The following AAK1 variants were observed in gnomAD, a reference collection of about 807,000 sequenced individuals.
AAK1 encodes the protein AP2 associated kinase 1, also known as AP2-associated protein kinase 1.
In AAK1, 37 loss-of-function variants were observed where a neutral mutation model predicts 116.0. That is an observed-to-expected ratio of 0.32 (90% CI 0.25 to 0.42). The LOEUF is 0.42. Ranked by LOEUF, AAK1 falls within the 10% of genes least tolerant of loss-of-function variation. The probability of loss-of-function intolerance (pLI) is 1.00; values close to 1 mark genes in which losing one functional copy is unlikely to be tolerated. For synonymous variants in AAK1, 458 were observed against 439.9 expected, an observed-to-expected ratio of 1.04 and a Z score of -0.51; for missense variants, 919 against 1,170.6, an observed-to-expected ratio of 0.79 and a Z score of 3.14.
chr2:69,623,572 G>A (rs1384810757), intron 2 of AAK1, among the ~76,000 whole-genome samples: 1 of 152,152 alleles, frequency 6.6e-6, no homozygotes, highest in African/African-American at 2.4e-5. Flanking sequence ...TAAGCACTTT[G>A]GGAGGCCCAG....
chr2:69,465,982 TG>T lies in AAK1; in HGVS notation c.*9886del. Reference sequence around the variant, plus strand: ...AACTCCTCCATGCTTTTCTTCTTAGTGAAAGGAGCTCTCAAAAACACGTCTG... The same window carrying T: ...AACTCCTCCATGCTTTTCTTCTTAGTAAAGGAGCTCTCAAAAACACGTCTG... On this transcript the variant is annotated 3_prime_UTR_variant, in exon 22 of 22. Transcript: ENST00000409085. 1 of 1,290,874 alleles carries T rather than the reference TG, an allele frequency of 7.7e-7. No homozygotes were observed. The highest frequency in any genetic ancestry group is 1.0e-6 in the Non-Finnish European group (1 of 988,874). 80.0% of individuals were successfully genotyped at this position (1,290,874 alleles called of 1,614,324 possible).
At position 69,530,025 on chromosome 2, in the gene AAK1, T is replaced by A; in HGVS notation, c.854A>T (p.Asp285Val). Residue 285 changes from aspartate to valine, a missense_variant, in exon 8 of 22, where the codon GAC (aspartate) becomes GTC (valine). Asp to Val is a radical substitution (Grantham distance 152). Around this residue, in one of 4 missense-constraint regions of AAK1, gnomAD observed 317 missense variants for 490.4 expected, o/e 0.65. Coordinates refer to ENST00000409085, the MANE Select transcript of AAK1 (RefSeq NM_014911.5). ...TIPDNSRYSQ[D>V]MHCLIRYMLE... The stretch of plus-strand genomic sequence containing the variant: ...ATACTTACTAATTAGGCAGTGCATG[T>A]CTTGAGAATATCGAGAATTATCAGG... The A allele has an allele frequency of 6.3e-7, 1 of 1,594,904 alleles. No homozygotes were observed. The highest frequency in any genetic ancestry group is 8.5e-7 in the Non-Finnish European group (1 of 1,170,814).
chr2:69,468,757 A>T lies in AAK1; in HGVS notation c.*7112T>A. 1 of 985,458 alleles carries T rather than the reference A, an allele frequency of 1.0e-6. No homozygotes were observed. Among genetic ancestry groups the T allele is most frequent in the South Asian group, 4.7e-5 (1 of 21,288 alleles). The allele number at this position is 985,458 out of a possible 1,614,324, so 61.0% of individuals were successfully genotyped here. ...GCCTGAAGTGCTAGATTACATTTTG[A>T]GAACTAGGAAGTACCAAGGGGTGTG... On this transcript the variant is annotated 3_prime_UTR_variant, in exon 22 of 22. Transcript: ENST00000409085.
Position 69,642,924 on chromosome 2 carries a change from G to A in AAK1, c.117C>T (p.Phe39=), listed in dbSNP as rs1439808852. 2 of 1,613,812 alleles carry A rather than the reference G, an allele frequency of 1.2e-6. No individual in the cohort carries two copies. Among genetic ancestry groups the A allele is most frequent in the Non-Finnish European group, 1.7e-6 (2 of 1,179,870 alleles). The part of the protein sequence containing the change: ...GLGSGYIGRV[F]GIGRQQVTVD... ...CTGTGACCTGCTGTCGCCCGATGCCGAAGACTCTTCCGATGTAGCCACTGC... is the reference window on the plus strand; with the variant it reads ...CTGTGACCTGCTGTCGCCCGATGCCAAAGACTCTTCCGATGTAGCCACTGC... The change falls in exon 2 of 22, where the codon TTC becomes TTT. Residue 39 remains phenylalanine (F), a synonymous_variant. Transcript: ENST00000409085.
chr2:69,528,954 A>G (rs552819350), intron 8 of AAK1, among the ~76,000 whole-genome samples: 4 of 138,236 alleles, frequency 2.9e-5, no homozygotes, highest in Non-Finnish European at 4.9e-5. Flanking sequence ...ACAATCCAAC[A>G]ATTATTAAAT....
rs1674261191 is a variant in AAK1 at position 69,458,294 on chromosome 2, G to A, written c.*17575C>T. ...CAGTCCATTCCAAATAGTCAGCAGAGGGAGTTCACCTCTTCTCCACGGAAT... is the reference window on the plus strand; with the variant it reads ...CAGTCCATTCCAAATAGTCAGCAGAAGGAGTTCACCTCTTCTCCACGGAAT... On this transcript the variant is annotated 3_prime_UTR_variant, in exon 22 of 22. Transcript: ENST00000409085. The A allele has an allele frequency of 6.6e-6, 1 of 151,654 alleles. No individual in the cohort carries two copies. The highest frequency in any genetic ancestry group is 2.1e-4 in the South Asian group (1 of 4,832). 9.4% of individuals were successfully genotyped at this position (151,654 alleles called of 1,614,324 possible).
In AAK1 at chr2:69,548,431, C is replaced by T. The variant is rs185846795; in HGVS notation, c.283-3887G>A. Among the ~76,000 whole-genome samples the T allele has an allele frequency of 1.1e-3, 161 of 152,118 alleles. 1 individual carries two copies. The highest frequency in any genetic ancestry group is 3.4e-3 in the African/African-American group (142 of 41,520). On this transcript the variant is annotated intron_variant, in intron 3 of 21. Coordinates refer to ENST00000409085, the MANE Select transcript of AAK1 (RefSeq NM_014911.5). ...AAGCTTTCCTTCTTTTCTTTTCTTT[C>T]GTTTTCTTTGTTTTTTCTATCTTTC...
At chr2:69,615,107 T>G (rs752661720) in intron 2 of AAK1, among the ~76,000 whole-genome samples, 4 of 152,202 alleles carry the variant, frequency 2.6e-5, no homozygotes, top group African/African-American at 9.7e-5. Context: ...CATGTTGCTG[T>G]CCTCTTTCCT....
intron 2 of AAK1, among the ~76,000 whole-genome samples, chr2:69,588,695 T>A (rs1333904919): frequency 6.7e-6 from 1 of 148,620 alleles, no homozygotes; most frequent in Admixed American, 6.6e-5. Flanking sequence ...GCTACATGAT[T>A]TTTTTTTTCT....
intron 18 of AAK1, chr2:69,482,479 A>G: frequency 1.6e-6 from 1 of 630,898 alleles, no homozygotes; most frequent in South Asian, 2.0e-5. Context: ...CTCCTCATTC[A>G]TAAGAGATCC....
At chr2:69,541,404 G>T (rs1183861751) in intron 5 of AAK1, among the ~76,000 whole-genome samples, 1 of 151,692 alleles carries the variant, frequency 6.6e-6, no homozygotes, top group East Asian at 1.9e-4. Context: ...CTAATTTTTT[G>T]TATTTTTAGT....
chr2:69,510,667 G>C (rs1676358821), intron 13 of AAK1, among the ~76,000 whole-genome samples: 2 of 152,178 alleles, frequency 1.3e-5, no homozygotes, highest in Non-Finnish European at 2.9e-5. Context: ...CTCCCATCAA[G>C]AATGTATAAG....
intron 10 of AAK1, among the ~76,000 whole-genome samples, chr2:69,523,554 T>A (rs1669882175): frequency 6.6e-6 from 1 of 152,228 alleles, no homozygotes; most frequent in Non-Finnish European, 1.5e-5. Context: ...TGCTAGCACT[T>A]ACTCGTGATG....
intron 12 of AAK1, among the ~76,000 whole-genome samples, chr2:69,518,158 A>T (rs1676659403): frequency 6.6e-6 from 1 of 152,202 alleles, no homozygotes; most frequent in Admixed American, 6.5e-5. Flanking sequence ...TAAAATGAAT[A>T]CATTCATAGT....
chr2:69,571,991 G>C (rs758661252), intron 2 of AAK1, among the ~76,000 whole-genome samples: 6 of 152,190 alleles, frequency 3.9e-5, no homozygotes, highest in Non-Finnish European at 5.9e-5. Flanking sequence ...ACACAGGCTG[G>C]AGTCTTTCAT....
intron 16 of AAK1, among the ~76,000 whole-genome samples, chr2:69,505,352 A>C (rs544448883): frequency 2.6e-5 from 4 of 152,258 alleles, no homozygotes; most frequent in Non-Finnish European, 5.9e-5. Flanking sequence ...CTTTAATTCA[A>C]AGTGGTTCTA....
chr2:69,547,013 TG>T (rs1397910877), intron 3 of AAK1, among the ~76,000 whole-genome samples: 1 of 152,190 alleles, frequency 6.6e-6, no homozygotes, highest in African/African-American at 2.4e-5. Flanking sequence ...TATACTCAAC[TG>T]ATTTTTGACA....
In AAK1 at chr2:69,597,456, C is replaced by T. The variant is rs192154367; in HGVS notation, c.164-40478G>A. The stretch of plus-strand genomic sequence containing the variant: ...TGAGTTTCCTCGTGATGTGTTACCT[C>T]AGCCTTCCCCACTACAATGTGACAG... On this transcript the variant is annotated intron_variant, in intron 2 of 21. Coordinates refer to ENST00000409085, the MANE Select transcript of AAK1 (RefSeq NM_014911.5). The T allele has an allele frequency of 2.0e-3, 350 of 170,962 alleles. 1 individual carries two copies. The highest frequency in any genetic ancestry group is 0.015 in the Middle Eastern group (25 of 1,722). 10.6% of individuals were successfully genotyped at this position (170,962 alleles called of 1,614,324 possible). A position where few individuals can be genotyped will look rare whatever the true frequency, so the allele number is the denominator to read the frequency against.
chr2:69,501,608 T>C (rs550715364), intron 16 of AAK1, among the ~76,000 whole-genome samples: 2 of 152,214 alleles, frequency 1.3e-5, no homozygotes, highest in South Asian at 2.1e-4. Flanking sequence ...GCCCAAGTAC[T>C]TTATTTTTTA....
Sources: gnomAD v4.1 joint callset for allele counts (sites outside exome capture counted in the v4.1 genomes callset) on GRCh38, gnomAD v4.1.1 for gene constraint, gnomAD v4.1.1 regional missense constraint, MANE v1.5 for transcripts, NCBI Gene and HGNC (gene_info 2026-07-23, HGNC 2026-07-21) for gene names.